The following RPS6KA2 variants were observed in gnomAD, a reference collection of about 807,000 sequenced individuals.
RPS6KA2 encodes ribosomal protein S6 kinase A2.
RPS6KA2 carries 42 observed loss-of-function variants against 91.8 expected under a neutral mutation model. The ratio of observed to expected loss-of-function variants is 0.46; its 90% CI spans 0.36 to 0.59. RPS6KA2 has a LOEUF of 0.59. Among genes scored for constraint, RPS6KA2 ranks in the 20% least tolerant of loss-of-function variants. The pLI, the probability that RPS6KA2 is intolerant of heterozygous loss-of-function variation, is 0.00. For synonymous variants in RPS6KA2, 414 were observed against 393.6 expected, an observed-to-expected ratio of 1.05 and a Z score of -0.61; for missense variants, 798 against 978.5, an observed-to-expected ratio of 0.82 and a Z score of 2.46.
At chr6:166,785,789 G>A (rs1381824973) in intron 2 of RPS6KA2, among the ~76,000 whole-genome samples, 2 of 152,166 alleles carry the variant, frequency 1.3e-5, no homozygotes, top group Non-Finnish European at 2.9e-5. Context: ...TTACTACAAC[G>A]ATCTTATTTA....
intron 2 of RPS6KA2, among the ~76,000 whole-genome samples, chr6:166,834,620 A>G (rs1780273852): frequency 2.6e-5 from 4 of 152,218 alleles, no homozygotes; most frequent in Admixed American, 2.6e-4. Flanking sequence ...AGTAAAAGTT[A>G]AAACAAAAAT....
intron 12 of RPS6KA2, among the ~76,000 whole-genome samples, chr6:166,452,199 C>G (rs1779939057): frequency 6.6e-6 from 1 of 152,098 alleles, no homozygotes; most frequent in African/African-American, 2.4e-5. Context: ...GCATAACTGG[C>G]ATAATCTTCT....
intron 16 of RPS6KA2, among the ~76,000 whole-genome samples, chr6:166,425,893 C>T (rs929533968): frequency 6.1e-4 from 93 of 152,210 alleles, no homozygotes; most frequent in Non-Finnish European, 1.1e-3. Flanking sequence ...GACAGATCAA[C>T]GAGACAGAAA....
At chr6:166,540,978 T>C (rs1783635086) in intron 1 of RPS6KA2, among the ~76,000 whole-genome samples, 1 of 152,232 alleles carries the variant, frequency 6.6e-6, no homozygotes, top group African/African-American at 2.4e-5. Flanking sequence ...CGATTTGTCA[T>C]TTAAAGAACA....
intron 11 of RPS6KA2, among the ~76,000 whole-genome samples, chr6:166,467,436 G>A (rs531802668): frequency 6.6e-6 from 1 of 152,254 alleles, no homozygotes; most frequent in Non-Finnish European, 1.5e-5. Flanking sequence ...AAGTGATAAG[G>A]GATATGAAAA....
intron 3 of RPS6KA2, 88 bp downstream of exon 3, chr6:166,531,144 A>G (rs1306241164): frequency 2.0e-5 from 18 of 897,720 alleles, no homozygotes; most frequent in Admixed American, 5.3e-5. Flanking sequence ...AATCGTGAAC[A>G]TTAAATGGAA....
intron 2 of RPS6KA2, among the ~76,000 whole-genome samples, chr6:166,654,386 T>C (rs1363450711): frequency 1.3e-5 from 2 of 152,012 alleles, no homozygotes; most frequent in Non-Finnish European, 2.9e-5. Context: ...CGGGCCCCAC[T>C]GCCGGCCGGG....
At chr6:166,750,428 G>T (rs1791241850) in intron 2 of RPS6KA2, among the ~76,000 whole-genome samples, 1 of 152,062 alleles carries the variant, frequency 6.6e-6, no homozygotes, top group Admixed American at 6.5e-5. Context: ...AGCCCCTCTT[G>T]ACCCTCCTCC....
intron 11 of RPS6KA2, among the ~76,000 whole-genome samples, chr6:166,465,073 C>T (rs1388057817): frequency 6.6e-6 from 1 of 152,176 alleles, no homozygotes; most frequent in Non-Finnish European, 1.5e-5. Context: ...AAATAAATAT[C>T]CTAATATTTT....
chr6:166,728,895 C>G lies in RPS6KA2; in HGVS notation c.123+129305G>C, dbSNP rs536736374. On this transcript the variant is annotated intron_variant, in intron 2 of 21. Transcript: ENST00000503859. ...TTAGTGTGCTAAAACTGGCATTTCT[C>G]AACCTGTGAGGTGTAGCTGCATCCC... Among the ~76,000 whole-genome samples, 39 of 152,316 alleles carry G rather than the reference C, an allele frequency of 2.6e-4. 1 individual carries two copies. Among genetic ancestry groups the G allele is most frequent in the Admixed American group, 2.3e-3 (35 of 15,308 alleles).
intron 2 of RPS6KA2, among the ~76,000 whole-genome samples, chr6:166,746,381 C>T (rs1262769449): frequency 2.6e-5 from 4 of 152,208 alleles, no homozygotes; most frequent in Non-Finnish European, 5.9e-5. Flanking sequence ...CAACCCAACA[C>T]TCTGACACCA....
chr6:166,524,891 C>G (rs371789436), intron 3 of RPS6KA2, among the ~76,000 whole-genome samples: 143 of 152,292 alleles, frequency 9.4e-4, no homozygotes, highest in African/African-American at 3.3e-3. Flanking sequence ...GTTCCTGGCC[C>G]CTGTATCAGG....
chr6:166,582,613 C>T (rs1043156333), intron 1 of RPS6KA2, among the ~76,000 whole-genome samples: 2 of 152,178 alleles, frequency 1.3e-5, no homozygotes, highest in Non-Finnish European at 2.9e-5. Context: ...TAGATGCATA[C>T]ATCTTATTTT....
At position 166,821,633 on chromosome 6, in the gene RPS6KA2, C is replaced by T. The variant is rs1469964674; in HGVS notation, c.123+36567G>A. 6.6e-6 allele frequency among the ~76,000 whole-genome samples: 1 copy of T among 152,120 alleles called. No homozygotes were observed. The highest frequency in any genetic ancestry group is 2.4e-5 in the African/African-American group (1 of 41,424). Reference sequence around the variant, plus strand: ...TTCCTCCCCCTCACTTATTCCCTTTCACTATTGCTGTGCCCCAGATTTCCA... The same window carrying T: ...TTCCTCCCCCTCACTTATTCCCTTTTACTATTGCTGTGCCCCAGATTTCCA... On this transcript the variant is annotated intron_variant, in intron 2 of 21. Coordinates refer to the RPS6KA2 transcript ENST00000503859. This position sits in a 1 kb window ranked among gnomAD's most constrained non-coding sequence, Gnocchi z 4.1.
At chr6:166,705,796 T>C (rs973662971) in intron 2 of RPS6KA2, among the ~76,000 whole-genome samples, 3 of 152,178 alleles carry the variant, frequency 2.0e-5, no homozygotes, top group Admixed American at 2.0e-4. Context: ...TTACTAGCAA[T>C]TATCCTCACC....
chr6:166,469,251 A>G (rs899042723), intron 11 of RPS6KA2, among the ~76,000 whole-genome samples: 1 of 152,088 alleles, frequency 6.6e-6, no homozygotes, highest in African/African-American at 2.4e-5. Flanking sequence ...CCTGGCCCAG[A>G]GAACTGGAAA....
intron 2 of RPS6KA2, among the ~76,000 whole-genome samples, chr6:166,791,634 A>G (rs945274820): frequency 6.6e-6 from 1 of 152,186 alleles, no homozygotes; most frequent in African/African-American, 2.4e-5. Context: ...TCCTCAGCAA[A>G]TGTAAAAGAA....
Position 166,434,303 on chromosome 6 carries a change from G to T in RPS6KA2, c.1333-1813C>A, listed in dbSNP as rs1466608068. 6.6e-6 allele frequency among the ~76,000 whole-genome samples: 1 copy of T among 152,228 alleles called. No homozygotes were observed. The highest frequency in any genetic ancestry group is 2.1e-4 in the South Asian group (1 of 4,834). The stretch of plus-strand genomic sequence containing the variant: ...GTTGTAAACAGGCAGAAGAGTTAGG[G>T]TCCCTTTCTGGACATAGAATTTCTC... On this transcript the variant is annotated intron_variant, in intron 14 of 20. Transcript: ENST00000265678. This position sits in a 1 kb window ranked among gnomAD's most constrained non-coding sequence, Gnocchi z 4.4.
chr6:166,595,560 G>A (rs1785509292), intron 1 of RPS6KA2, among the ~76,000 whole-genome samples: 1 of 152,164 alleles, frequency 6.6e-6, no homozygotes, highest in African/African-American at 2.4e-5. Context: ...AATTTCAAAA[G>A]GTGCTGCAGT....
Sources: gnomAD v4.1 joint callset for allele counts (sites outside exome capture counted in the v4.1 genomes callset) on GRCh38, gnomAD v4.1.1 for gene constraint, Gnocchi (gnomAD v3.1) non-coding constraint, MANE v1.5 for transcripts, NCBI Gene and HGNC (gene_info 2026-07-23, HGNC 2026-07-21) for gene names.